ZRANB3: variants seen among roughly 807,000 people sequenced by gnomAD.
The protein encoded by ZRANB3 is zinc finger RANBP2-type containing 3, also known as DNA annealing helicase and endonuclease ZRANB3.
Under a neutral mutation model 133.8 loss-of-function variants are expected in ZRANB3, and 125 were observed. The ratio of observed to expected loss-of-function variants is 0.93; its 90% CI spans 0.81 to 1.08. The LOEUF is 1.08. Ranked by LOEUF, ZRANB3 falls within the 50% of genes least tolerant of loss-of-function variation. The probability of loss-of-function intolerance (pLI) is 0.00; values close to 1 mark genes in which losing one functional copy is unlikely to be tolerated. For synonymous variants in ZRANB3, 387 were observed against 432.7 expected (o/e 0.89, Z 1.31); for missense variants, 1,229 against 1,275.5 (o/e 0.96, Z 0.56).
intron 2 of ZRANB3, among the ~76,000 whole-genome samples, chr2:135,432,294 T>A (rs1025964875): frequency 3.3e-5 from 5 of 152,004 alleles, no homozygotes; most frequent in Admixed American, 1.3e-4. Context: ...GTAAAAAAAA[T>A]TTTAAAGATT....
chr2:135,276,102 T>C (rs1680808285), intron 8 of ZRANB3, among the ~76,000 whole-genome samples: 1 of 151,938 alleles, frequency 6.6e-6, no homozygotes, highest in Non-Finnish European at 1.5e-5. Flanking sequence ...AAAAAGTTTA[T>C]ATATAAGACC....
chr2:135,526,992 G>C (rs564900810), intron 1 of ZRANB3, among the ~76,000 whole-genome samples: 2 of 152,126 alleles, frequency 1.3e-5, no homozygotes, highest in African/African-American at 2.4e-5. Context: ...ACTTTGAGTT[G>C]TCCCGCCTTT....
chr2:135,480,475 T>C (rs959330325), intron 2 of ZRANB3, among the ~76,000 whole-genome samples: 1 of 152,076 alleles, frequency 6.6e-6, no homozygotes, highest in Non-Finnish European at 1.5e-5. Flanking sequence ...AACTTTTCAA[T>C]TTTAGGAGAG....
intron 2 of ZRANB3, among the ~76,000 whole-genome samples, chr2:135,499,556 C>T (rs1320500758): frequency 1.3e-5 from 2 of 151,858 alleles, no homozygotes; most frequent in Admixed American, 6.6e-5. Context: ...AATGAACAGG[C>T]ATTTAAAAAA....
intron 12 of ZRANB3, among the ~76,000 whole-genome samples, chr2:135,236,775 T>C (rs900746683): frequency 6.6e-6 from 1 of 152,132 alleles, no homozygotes; most frequent in Non-Finnish European, 1.5e-5. Context: ...TTACACCTTA[T>C]ACAAAAATTA....
chr2:135,410,320 G>T (rs1006901863), intron 2 of ZRANB3, among the ~76,000 whole-genome samples: 1 of 151,992 alleles, frequency 6.6e-6, no homozygotes, highest in African/African-American at 2.4e-5. Context: ...AGAGAGCCCT[G>T]AAATAAGGCC....
intron 2 of ZRANB3, among the ~76,000 whole-genome samples, chr2:135,490,725 G>C (rs1195403051): frequency 6.6e-6 from 1 of 152,136 alleles, no homozygotes; most frequent in East Asian, 1.9e-4. Flanking sequence ...GCCAAAATGT[G>C]TAATCAACTT....
At chr2:135,250,874 C>A (rs1345530667) in intron 12 of ZRANB3, among the ~76,000 whole-genome samples, 1 of 152,222 alleles carries the variant, frequency 6.6e-6, no homozygotes, top group Non-Finnish European at 1.5e-5. Flanking sequence ...GGAGTCCTCA[C>A]ACAGAGTCCC....
intron 8 of ZRANB3, among the ~76,000 whole-genome samples, chr2:135,290,076 CA>C (rs1273789979): frequency 1.3e-5 from 2 of 152,124 alleles, no homozygotes; most frequent in Non-Finnish European, 2.9e-5. Context: ...TTCTAGGGTA[CA>C]ACTGCAGAAT....
At chr2:135,225,045 C>G (rs1298002861) in intron 14 of ZRANB3, among the ~76,000 whole-genome samples, 2 of 152,194 alleles carry the variant, frequency 1.3e-5, no homozygotes, top group Non-Finnish European at 2.9e-5. Flanking sequence ...CTCAGTCCTA[C>G]TGTCCAATAT....
chr2:135,393,115 A>G (rs1202167628), intron 2 of ZRANB3, among the ~76,000 whole-genome samples: 1 of 152,046 alleles, frequency 6.6e-6, no homozygotes, highest in Non-Finnish European at 1.5e-5. Flanking sequence ...TGATCCACCC[A>G]CCTAGGCCTC....
At chr2:135,376,845 A>C (rs1217617358) in intron 3 of ZRANB3, among the ~76,000 whole-genome samples, 4 of 152,230 alleles carry the variant, frequency 2.6e-5, no homozygotes, top group Non-Finnish European at 5.9e-5. Context: ...ATATTTTAAA[A>C]ATAACCGAGG....
intron 6 of ZRANB3, among the ~76,000 whole-genome samples, chr2:135,325,649 C>T (rs570810852): frequency 2.0e-5 from 3 of 152,176 alleles, no homozygotes; most frequent in Non-Finnish European, 4.4e-5. Context: ...CCCACCTCAG[C>T]CTCCAAAAGT....
intron 2 of ZRANB3, among the ~76,000 whole-genome samples, chr2:135,473,669 A>G (rs1691377390): frequency 6.6e-6 from 1 of 152,170 alleles, no homozygotes; most frequent in Non-Finnish European, 1.5e-5. Context: ...TCTGGTGCCT[A>G]TGAATAGATA....
chr2:135,238,308 G>A (rs1004729684), intron 12 of ZRANB3, among the ~76,000 whole-genome samples: 2 of 152,072 alleles, frequency 1.3e-5, no homozygotes, highest in African/African-American at 2.4e-5. Context: ...TTGAGAGGTG[G>A]GATCTATGTT....
intron 2 of ZRANB3, among the ~76,000 whole-genome samples, chr2:135,417,627 C>T (rs1234157787): frequency 2.0e-5 from 3 of 152,120 alleles, no homozygotes; most frequent in Admixed American, 6.6e-5. Flanking sequence ...ACCCAAAGGA[C>T]TATAAATCAT....
At chr2:135,490,973 C>G (rs1486850792) in intron 2 of ZRANB3, among the ~76,000 whole-genome samples, 2 of 152,006 alleles carry the variant, frequency 1.3e-5, no homozygotes, top group Non-Finnish European at 2.9e-5. Context: ...TTAGTGGCTA[C>G]TAGTGGTTGG....
intron 3 of ZRANB3, among the ~76,000 whole-genome samples, chr2:135,372,046 T>C (rs139056957): frequency 0.012 from 1,863 of 151,876 alleles, 32 homozygotes; most frequent in South Asian, 0.037. Context: ...CAGGTGCCTG[T>C]AATCCCAACT....
chr2:135,363,376 A>C (rs1303790572), intron 3 of ZRANB3, among the ~76,000 whole-genome samples: 4 of 152,238 alleles, frequency 2.6e-5, no homozygotes, highest in African/African-American at 4.8e-5. Context: ...AAAATGAGAT[A>C]CTTAACTATA....
Sources: gnomAD v4.1 joint callset for allele counts (sites outside exome capture counted in the v4.1 genomes callset) on GRCh38, gnomAD v4.1.1 for gene constraint, MANE v1.5 for transcripts, NCBI Gene and HGNC (gene_info 2026-07-23, HGNC 2026-07-21) for gene names.